The following ZFHX3 variants were observed in gnomAD, a reference collection of about 807,000 sequenced individuals.
ZFHX3 encodes the protein zinc finger homeobox protein 3.
A neutral mutation model predicts 279.1 loss-of-function variants in ZFHX3; 42 were observed. The observed-to-expected ratio is 0.15, with a 90% CI of 0.12 to 0.19. The LOEUF is 0.19. Ranked by LOEUF, ZFHX3 falls within the 10% of genes least tolerant of loss-of-function variation. The probability of loss-of-function intolerance (pLI) is 1.00; values close to 1 mark genes in which losing one functional copy is unlikely to be tolerated. For synonymous variants in ZFHX3, 2,293 were observed against 1,957.8 expected (o/e 1.17, Z -4.52); for missense variants, 4,981 against 4,754.0 (o/e 1.05, Z -1.40).
chr16:72,902,317 TA>T (rs1175973048), intron 3 of ZFHX3, among the ~76,000 whole-genome samples: 2 of 152,080 alleles, frequency 1.3e-5, no homozygotes, highest in African/African-American at 4.8e-5. Context: ...ATGCATGGAG[TA>T]AGTAAGACTC....
At chr16:73,297,079 G>C (rs370140567) in intron 4 of ZFHX3, among the ~76,000 whole-genome samples, 27 of 151,444 alleles carry the variant, frequency 1.8e-4, no homozygotes, top group Non-Finnish European at 3.5e-4. Flanking sequence ...GGGTTTCACC[G>C]TGTTAGCCAG....
intron 2 of ZFHX3, among the ~76,000 whole-genome samples, chr16:73,631,884 G>A (rs2052472436): frequency 6.7e-6 from 1 of 148,746 alleles, no homozygotes; most frequent in Non-Finnish European, 1.5e-5. Context: ...TCCAGCCTGG[G>A]TGATAGAGTG....
At chr16:73,368,169 C>T (rs769400337) in intron 3 of ZFHX3, among the ~76,000 whole-genome samples, 4 of 152,218 alleles carry the variant, frequency 2.6e-5, no homozygotes, top group Non-Finnish European at 5.9e-5. Flanking sequence ...CTGCACCCAG[C>T]TGCAAAGAAG....
intron 4 of ZFHX3, among the ~76,000 whole-genome samples, chr16:73,287,877 T>G: frequency 6.6e-6 from 1 of 151,520 alleles, no homozygotes; most frequent in Admixed American, 6.6e-5. Context: ...GATGTGTGGG[T>G]TGGTGTACGG....
intron 1 of ZFHX3, among the ~76,000 whole-genome samples, chr16:73,036,330 GC>G (rs1422543131): frequency 6.6e-6 from 1 of 152,194 alleles, no homozygotes; most frequent in Non-Finnish European, 1.5e-5. Flanking sequence ...CTGCACAGAT[GC>G]GGAAGGCCGG....
At chr16:73,751,352 T>A (rs1288713787) in intron 1 of ZFHX3, among the ~76,000 whole-genome samples, 1 of 152,062 alleles carries the variant, frequency 6.6e-6, no homozygotes, top group Non-Finnish European at 1.5e-5. Flanking sequence ...GAGCCATGAG[T>A]AGAAAAAACA....
At chr16:73,399,144 C>G (rs1443971595) in intron 3 of ZFHX3, among the ~76,000 whole-genome samples, 3 of 151,776 alleles carry the variant, frequency 2.0e-5, no homozygotes, top group Non-Finnish European at 4.4e-5. Flanking sequence ...TCCCAAAGTG[C>G]TAAGATTACA....
chr16:73,663,012 C>G (rs1225806105), intron 2 of ZFHX3, among the ~76,000 whole-genome samples: 1 of 152,084 alleles, frequency 6.6e-6, no homozygotes, highest in Admixed American at 6.5e-5. Context: ...TTGCTAAAAG[C>G]TGCTATAGGC....
At chr16:73,507,375 C>T (rs889528525) in intron 2 of ZFHX3, among the ~76,000 whole-genome samples, 1 of 151,994 alleles carries the variant, frequency 6.6e-6, no homozygotes, top group Non-Finnish European at 1.5e-5. Flanking sequence ...CCCACAGTGA[C>T]TCCTAGAAGA....
At chr16:72,832,699 C>A (rs1000562451) in intron 4 of ZFHX3, among the ~76,000 whole-genome samples, 22 of 151,950 alleles carry the variant, frequency 1.4e-4, no homozygotes, top group Admixed American at 6.6e-5. Flanking sequence ...TCAGCCCAGC[C>A]AGCTCATCCC....
intron 5 of ZFHX3, among the ~76,000 whole-genome samples, chr16:73,152,795 G>C (rs1445567931): frequency 6.7e-6 from 1 of 149,278 alleles, no homozygotes; most frequent in Non-Finnish European, 1.5e-5. Context: ...CTGGGCTACC[G>C]GGGTGAGGAG....
chr16:72,958,849 C>T lies in ZFHX3; in HGVS notation c.1297G>A (p.Gly433Ser). ...LASSPTKSSE[G>S]KDSGAAEGEK... Reference sequence around the variant, plus strand: ...CCTTCTGCCGCCCCAGAGTCCTTGCCCTCTGAGGATTTGGTAGGACTGGAA... The same window carrying T: ...CCTTCTGCCGCCCCAGAGTCCTTGCTCTCTGAGGATTTGGTAGGACTGGAA... Residue 433 changes from glycine to serine, a missense_variant, in exon 2 of 10, where the codon GGC becomes AGC. Coordinates refer to ENST00000268489, the MANE Select transcript of ZFHX3 (RefSeq NM_006885.4). 2 of 1,613,948 alleles carry T rather than the reference C, an allele frequency of 1.2e-6. No homozygotes were observed. The highest frequency in any genetic ancestry group is 1.7e-6 in the Non-Finnish European group (2 of 1,179,928).
At chr16:73,341,317 C>T (rs867497987) in intron 3 of ZFHX3, among the ~76,000 whole-genome samples, 3 of 151,744 alleles carry the variant, frequency 2.0e-5, no homozygotes, top group Non-Finnish European at 2.9e-5. Flanking sequence ...CTCCAGCCTG[C>T]GTGACAGAGC....
In ZFHX3 at chr16:72,960,062, G is replaced by A. The variant is rs1961499572; in HGVS notation, c.84C>T (p.Asn28=). 1.2e-6 allele frequency: 2 copies of A among 1,613,904 alleles called. No homozygotes were observed. Among genetic ancestry groups the A allele is most frequent in the African/African-American group, 2.7e-5 (2 of 74,918 alleles). Residue 28 remains asparagine, a synonymous_variant, in exon 2 of 10, where the codon AAC becomes AAT. Transcript: ENST00000268489. ...TGGGTTTGTCAGGGAGGTGGGTGCT[G>A]TTGAGTTCAGTCCATTGCTGGTGCT... is the stretch of plus-strand genomic sequence containing the variant. ...IPQHQQWTEL[N]STHLPDKPSS...
At chr16:73,541,736 T>C (rs1288542262) in intron 2 of ZFHX3, among the ~76,000 whole-genome samples, 2 of 150,464 alleles carry the variant, frequency 1.3e-5, no homozygotes, top group East Asian at 3.9e-4. Context: ...CATTCCTCCT[T>C]CTGTCTTCCC....
intron 1 of ZFHX3, among the ~76,000 whole-genome samples, chr16:73,843,982 T>C (rs1024997265): frequency 1.3e-5 from 2 of 152,188 alleles, no homozygotes; most frequent in Admixed American, 6.5e-5. Context: ...AATGTAGAAA[T>C]CATTCTTAGC....
intron 6 of ZFHX3, among the ~76,000 whole-genome samples, chr16:73,134,143 T>C (rs4454998): frequency 0.016 from 2,359 of 152,108 alleles, 68 homozygotes; most frequent in African/African-American, 0.054. Flanking sequence ...GTATCCAAGG[T>C]CTCACAGATA....
chr16:73,660,846 T>C (rs554407543), intron 2 of ZFHX3, among the ~76,000 whole-genome samples: 6 of 152,328 alleles, frequency 3.9e-5, no homozygotes, highest in Non-Finnish European at 4.4e-5. Context: ...CCTAATTTTG[T>C]TAGTTAACTT....
intron 5 of ZFHX3, among the ~76,000 whole-genome samples, chr16:72,817,444 A>G (rs941823528): frequency 2.0e-5 from 3 of 152,226 alleles, no homozygotes; most frequent in Non-Finnish European, 4.4e-5. Flanking sequence ...AAAAACTGGA[A>G]ATGAAGTAAA....
Sources: gnomAD v4.1 joint callset for allele counts (sites outside exome capture counted in the v4.1 genomes callset) on GRCh38, gnomAD v4.1.1 for gene constraint, MANE v1.5 for transcripts, NCBI Gene and HGNC (gene_info 2026-07-23, HGNC 2026-07-21) for gene names.